The following SAXO4 variants were observed in gnomAD, a reference collection of about 807,000 sequenced individuals.
SAXO4 encodes stabilizer of axonemal microtubules 4.
the SAXO4 span, chr11:61,484,874 T>C: frequency 2.0e-6 from 3 of 1,513,888 alleles, no homozygotes; most frequent in South Asian, 2.5e-5. Context: ...CACCCGCCTC[T>C]TCCTCCCACC....
chr11:61,482,966 T>G, the SAXO4 span, among the ~76,000 whole-genome samples: 1 of 151,992 alleles, frequency 6.6e-6, no homozygotes, highest in East Asian at 1.9e-4. Flanking sequence ...TCCTCATCCT[T>G]GTCCCCACCA....
At chr11:61,489,452 A>G in the SAXO4 span, 1 of 558,200 alleles carries the variant, frequency 1.8e-6, no homozygotes, top group Non-Finnish European at 3.2e-6. Flanking sequence ...AAATGGAAGG[A>G]AATGGAAATG....
chr11:61,489,461 T>G, the SAXO4 span: 1 of 554,626 alleles, frequency 1.8e-6, no homozygotes, highest in Non-Finnish European at 3.2e-6. Flanking sequence ...GAAATGGAAA[T>G]GAAATGGAAG....
At chr11:61,488,857 TG>T in the SAXO4 span, 1 of 152,310 alleles carries the variant, frequency 6.6e-6, no homozygotes, top group South Asian at 2.1e-4. Context: ...GACATGCATG[TG>T]GCTGCAGCCA....
At chr11:61,483,612 G>A in the SAXO4 span, among the ~76,000 whole-genome samples, 3 of 152,134 alleles carry the variant, frequency 2.0e-5, no homozygotes, top group Non-Finnish European at 4.4e-5. Flanking sequence ...GGAGTGCGGG[G>A]TGGGGCGGGG....
chr11:61,482,325 AAGCCCCGTGTGGGC>A, the SAXO4 span: 3 of 1,614,120 alleles, frequency 1.9e-6, no homozygotes, highest in Non-Finnish European at 2.5e-6. Context: ...GGAGGATTTC[AAGCCCCGTGTGGGC>A]AGTCACGTAG....
the SAXO4 span, chr11:61,486,215 T>G: frequency 1.1e-6 from 1 of 924,786 alleles, no homozygotes; most frequent in Non-Finnish European, 1.7e-6. Flanking sequence ...CTTTTCTCAG[T>G]GATGCCCATT....
the SAXO4 span, chr11:61,482,883 G>T: frequency 6.9e-7 from 1 of 1,451,750 alleles, no homozygotes; most frequent in East Asian, 2.4e-5. Context: ...CCAACAGTTG[G>T]TCAAGGTGGA....
the SAXO4 span, chr11:61,484,854 A>G: frequency 6.5e-7 from 1 of 1,532,032 alleles, no homozygotes. Flanking sequence ...GGGGTGGGGC[A>G]GAGGGGCCAC....
chr11:61,484,221 C>T, the SAXO4 span, among the ~76,000 whole-genome samples: 4 of 152,252 alleles, frequency 2.6e-5, no homozygotes, highest in Middle Eastern at 3.4e-3. Flanking sequence ...CCAGCCTGGG[C>T]AACAGAGCGA....
At chr11:61,485,051 C>T in the SAXO4 span, among the ~76,000 whole-genome samples, 13 of 152,322 alleles carry the variant, frequency 8.5e-5, no homozygotes, top group African/African-American at 3.1e-4. Context: ...CTTCCTCCTC[C>T]TGCTCACGGC....
the SAXO4 span, among the ~76,000 whole-genome samples, chr11:61,488,674 G>T: frequency 6.6e-6 from 1 of 152,142 alleles, no homozygotes; most frequent in African/African-American, 2.4e-5. Context: ...AGGTGTCCCT[G>T]CCACCTCTCT....
the SAXO4 span, chr11:61,487,354 T>C: frequency 7.6e-6 from 7 of 920,302 alleles, no homozygotes; most frequent in African/African-American, 8.1e-5. Flanking sequence ...TGAATATGGG[T>C]TCCCCAGAAG....
the SAXO4 span, chr11:61,489,873 C>T: frequency 6.2e-7 from 1 of 1,613,970 alleles, no homozygotes. Context: ...CGCCCTCAGC[C>T]AGCCGGTCAG....
At chr11:61,487,986 TTC>T in the SAXO4 span, among the ~76,000 whole-genome samples, 3,198 of 148,002 alleles carry the variant, frequency 0.022, 125 homozygotes, top group African/African-American at 0.077. Context: ...ATTCTTCTTC[TTC>T]TTTTTTTTTT....
chr11:61,490,459 G>T, the SAXO4 span: 1 of 1,566,172 alleles, frequency 6.4e-7, no homozygotes, highest in East Asian at 2.2e-5. Context: ...TCCATGCCCT[G>T]CCTGCCAACA....
chr11:61,484,927 G>C, the SAXO4 span: 13 of 1,370,094 alleles, frequency 9.5e-6, no homozygotes, highest in Non-Finnish European at 1.3e-5. Flanking sequence ...AGCCAGCTCA[G>C]GGTGGGCTCA....
chr11:61,483,146 T>C, the SAXO4 span, among the ~76,000 whole-genome samples: 13 of 149,450 alleles, frequency 8.7e-5, no homozygotes, highest in Non-Finnish European at 1.6e-4. Flanking sequence ...CCTCACCCCA[T>C]CTTTTTCATT....
At chr11:61,486,308 C>CT in the SAXO4 span, 2 of 1,611,274 alleles carry the variant, frequency 1.2e-6, no homozygotes, top group Admixed American at 3.3e-5. Context: ...CAGGCTGCCT[C>CT]TGCGGGGCTG....
Sources: allele counts gnomAD v4.1 joint callset (sites outside exome capture counted in the v4.1 genomes callset), GRCh38; gene constraint gnomAD v4.1.1; transcripts MANE v1.5; gene names NCBI Gene and HGNC (gene_info 2026-07-23, HGNC 2026-07-21).